The following SNX30 variants were observed in gnomAD, a reference collection of about 807,000 sequenced individuals.
The protein encoded by SNX30 is sorting nexin family member 30, also known as sorting nexin-30.
In SNX30, 24 loss-of-function variants were observed where a neutral mutation model predicts 46.4. That is an observed-to-expected ratio of 0.52 (90% CI 0.37 to 0.73). The LOEUF is 0.73. Ranked by LOEUF, SNX30 falls within the 30% of genes least tolerant of loss-of-function variation. SNX30 has a pLI of 0.00. For missense variants in SNX30, 533 were observed against 555.7 expected, an observed-to-expected ratio of 0.96 and a Z score of 0.41; for synonymous variants, 189 against 211.5, an observed-to-expected ratio of 0.89 and a Z score of 0.92.
intron 8 of SNX30, among the ~76,000 whole-genome samples, chr9:112,865,419 A>C (rs4979173): frequency 0.88 from 133,412 of 151,474 alleles, 58,917 homozygotes; most frequent in Non-Finnish European, 0.91. Context: ...AGCCCAGCTC[A>C]AGACCAGCCT....
At chr9:112,792,843 A>G (rs1389940617) in intron 1 of SNX30, among the ~76,000 whole-genome samples, 1 of 147,120 alleles carries the variant, frequency 6.8e-6, no homozygotes, top group Non-Finnish European at 1.5e-5. Context: ...GTTTTAATTT[A>G]TGCTTTCATT....
intron 4 of SNX30, among the ~76,000 whole-genome samples, chr9:112,833,611 CA>C (rs1478434580): frequency 1.3e-5 from 2 of 152,186 alleles, no homozygotes; most frequent in Non-Finnish European, 2.9e-5. Context: ...GTACAGCAAT[CA>C]GATGGATACT....
Position 112,839,772 on chromosome 9 carries a change from G to T in SNX30, c.1014+1075G>T, listed in dbSNP as rs778937370. 2.0e-5 allele frequency among the ~76,000 whole-genome samples: 3 copies of T among 152,308 alleles called. No individual in the cohort carries two copies. The South Asian group carries it at 6.2e-4, about 32-fold the overall frequency. On this transcript the variant is annotated intron_variant, in intron 6 of 8. Transcript: ENST00000374232. ...AATCTGTCTTTGGGACAGGTCTAGG[G>T]CATCCCATGAGGAAAGACCTGAATA... is the stretch of plus-strand genomic sequence containing the variant.
chr9:112,769,300 C>G (rs1839606897), intron 1 of SNX30, among the ~76,000 whole-genome samples: 1 of 152,232 alleles, frequency 6.6e-6, no homozygotes. Flanking sequence ...TTTTGATCCT[C>G]CCTTCACTTG....
chr9:112,829,334 A>G (rs950357964), intron 3 of SNX30, among the ~76,000 whole-genome samples: 6 of 152,114 alleles, frequency 3.9e-5, no homozygotes, highest in African/African-American at 9.7e-5. Flanking sequence ...CAGTGGTGCA[A>G]TCTCCACTCA....
At chr9:112,786,009 C>G (rs180696903) in intron 1 of SNX30, among the ~76,000 whole-genome samples, 1 of 152,196 alleles carries the variant, frequency 6.6e-6, no homozygotes, top group Non-Finnish European at 1.5e-5. Flanking sequence ...TTTAGAAATC[C>G]TTACAGCTTA....
rs990408267 is a variant in SNX30 at position 112,866,366 on chromosome 9, A to G, written c.1254+1967A>G. 29 of 450,364 alleles carry G rather than the reference A, an allele frequency of 6.4e-5. 3 individuals are homozygous for G. The highest frequency in any genetic ancestry group is 2.0e-5 in the African/African-American group (1 of 49,082). 27.9% of individuals were successfully genotyped at this position (450,364 alleles called of 1,614,324 possible). On this transcript the variant is annotated intron_variant, in intron 8 of 8. Coordinates refer to ENST00000374232, the MANE Select transcript of SNX30 (RefSeq NM_001012994.2). ...TCAGAGACAGAGGCTTGGAAAACATATATTCCAGGTATAGGAGACAACATA... is the reference window on the plus strand; with the variant it reads ...TCAGAGACAGAGGCTTGGAAAACATGTATTCCAGGTATAGGAGACAACATA...
At chr9:112,879,253 T>C (rs2131534326), downstream of SNX30, 1 of 152,800 alleles carries the variant, frequency 6.5e-6, no homozygotes, top group South Asian at 2.1e-4. Flanking sequence ...TTAAAAGACA[T>C]TGTTCGTGCA....
chr9:112,868,923 A>G lies in SNX30; in HGVS notation c.*80A>G. On this transcript the variant is annotated 3_prime_UTR_variant, in exon 9 of 9. Coordinates refer to ENST00000374232, the MANE Select transcript of SNX30 (RefSeq NM_001012994.2). ...CCGGAATGTCCCTGCAGTGCCAGAG[A>G]CGCAGTGCTGGGAAAACAACCACAG... 4 of 1,380,956 alleles carry G rather than the reference A, an allele frequency of 2.9e-6. No homozygotes were observed. Among genetic ancestry groups the G allele is most frequent in the Non-Finnish European group, 4.1e-6 (4 of 969,252 alleles). 85.5% of individuals were successfully genotyped at this position (1,380,956 alleles called of 1,614,324 possible).
intron 1 of SNX30, among the ~76,000 whole-genome samples, chr9:112,775,309 C>A (rs993194078): frequency 6.6e-6 from 1 of 151,808 alleles, no homozygotes; most frequent in Non-Finnish European, 1.5e-5. Context: ...GCATGCACCA[C>A]CACACTTGGC....
intron 6 of SNX30, among the ~76,000 whole-genome samples, chr9:112,843,829 G>A (rs1170099916): frequency 2.0e-5 from 3 of 152,042 alleles, no homozygotes; most frequent in Admixed American, 6.5e-5. Context: ...TGGTGAGGCT[G>A]GTCTCGAACT....
rs112247791 is a variant in SNX30, at chr9:112,868,924, C to T, written c.*81C>T. 2.7e-3 allele frequency: 3,646 copies of T among 1,370,158 alleles called. 45 individuals carry two copies. Among genetic ancestry groups the T allele is most frequent in the South Asian group, 0.017 (1,431 of 86,158 alleles). 84.9% of individuals were successfully genotyped at this position (1,370,158 alleles called of 1,614,324 possible). A position where few individuals can be genotyped will look rare whatever the true frequency, so the allele number is the denominator to read the frequency against. ...CGGAATGTCCCTGCAGTGCCAGAGA[C>T]GCAGTGCTGGGAAAACAACCACAGA... On this transcript the variant is annotated 3_prime_UTR_variant, in exon 9 of 9. Coordinates refer to ENST00000374232, the MANE Select transcript of SNX30 (RefSeq NM_001012994.2).
intron 7 of SNX30, among the ~76,000 whole-genome samples, chr9:112,855,640 G>A (rs549916693): frequency 1.1e-4 from 17 of 152,278 alleles, no homozygotes; most frequent in South Asian, 8.3e-4. Context: ...CAGAGGATGC[G>A]GAGGCCTCTG....
In SNX30 at chr9:112,865,624, CATATATATATATATATATATATATATAT is replaced by C. The variant is rs796986603; in HGVS notation, c.1254+1236_1254+1263del. On this transcript the variant is annotated intron_variant, in intron 8 of 8. Coordinates refer to ENST00000374232, the MANE Select transcript of SNX30 (RefSeq NM_001012994.2). ...ACAGAGTTTTTTGATCCTGTCACGC[CATATATATATATATATATATATATATAT>C]ATATATATATGTATGTATGTATGCA... Among the ~76,000 whole-genome samples the C allele has an allele frequency of 2.0e-3, 157 of 79,008 alleles. 7 individuals carry two copies. The South Asian group carries it at 0.04, about 20-fold the overall frequency. 51.8% of individuals were successfully genotyped at this position (79,008 alleles called of 152,430 possible).
intron 3 of SNX30, among the ~76,000 whole-genome samples, chr9:112,823,586 A>C (rs1176430690): frequency 1.3e-5 from 2 of 152,208 alleles, no homozygotes; most frequent in African/African-American, 4.8e-5. Context: ...TTTAATTTTC[A>C]CTTGGAAATT....
intron 1 of SNX30, among the ~76,000 whole-genome samples, chr9:112,787,878 C>A (rs1839957686): frequency 6.6e-6 from 1 of 151,682 alleles, no homozygotes; most frequent in Non-Finnish European, 1.5e-5. Context: ...CTCACTGCAA[C>A]CTCTGCCTCC....
intron 1 of SNX30, among the ~76,000 whole-genome samples, chr9:112,765,840 G>T (rs7467129): frequency 0.068 from 10,376 of 152,194 alleles, 454 homozygotes; most frequent in Non-Finnish European, 0.099. Flanking sequence ...GTCTCACTCT[G>T]TTGCCCAGGC....
At chr9:112,805,463 A>G (rs532703941) in intron 2 of SNX30, among the ~76,000 whole-genome samples, 56 of 151,500 alleles carry the variant, frequency 3.7e-4, no homozygotes, top group African/African-American at 1.3e-3. Flanking sequence ...AATAACTTTT[A>G]AGATCATAAC....
At chr9:112,778,524 G>A (rs780305426) in intron 1 of SNX30, among the ~76,000 whole-genome samples, 5 of 152,068 alleles carry the variant, frequency 3.3e-5, no homozygotes, top group Non-Finnish European at 5.9e-5. Context: ...CGCCAGCCTC[G>A]GCCTCCCAAA....
Sources: allele counts gnomAD v4.1 joint callset (sites outside exome capture counted in the v4.1 genomes callset), GRCh38; gene constraint gnomAD v4.1.1; transcripts MANE v1.5; gene names NCBI Gene and HGNC (gene_info 2026-07-23, HGNC 2026-07-21).